ODF2: variants seen among roughly 807,000 people sequenced by gnomAD.
ODF2 encodes outer dense fiber of sperm tails 2.
In ODF2, 47 loss-of-function variants were observed where a neutral mutation model predicts 110.2. The observed-to-expected ratio is 0.43, with a 90% CI of 0.34 to 0.54. ODF2 has a LOEUF of 0.54. ODF2 is among the 20% of genes least tolerant of loss of function. The pLI is 0.03. For synonymous variants in ODF2, 352 were observed against 397.7 expected (o/e 0.89, Z 1.37); for missense variants, 812 against 1,054.5 (o/e 0.77, Z 3.19).
intron 4 of ODF2, among the ~76,000 whole-genome samples, chr9:128,468,719 A>G (rs1050845273): frequency 6.6e-6 from 1 of 152,022 alleles, no homozygotes; most frequent in African/African-American, 2.4e-5. Context: ...ACGGGGTTTC[A>G]CCGTGTTGGT....
chr9:128,474,424 C>T (rs1319818455), intron 8 of ODF2, among the ~76,000 whole-genome samples: 2 of 151,764 alleles, frequency 1.3e-5, no homozygotes, highest in Non-Finnish European at 1.5e-5. Flanking sequence ...ACCTGGGAGG[C>T]GGAGGTTGCG....
chr9:128,456,492 C>G, intron 1 of ODF2: 12 of 1,526,502 alleles, frequency 7.9e-6, no homozygotes, highest in Non-Finnish European at 1.1e-5. Flanking sequence ...TTGGCTACCA[C>G]GGGGCTCTGC....
intron 4 of ODF2, among the ~76,000 whole-genome samples, chr9:128,468,621 C>T (rs1421173504): frequency 1.3e-5 from 2 of 152,142 alleles, no homozygotes; most frequent in Admixed American, 6.6e-5. Flanking sequence ...CTCCCGGGTT[C>T]AAGCGATCCT....
exon 12 of ODF2, chr9:128,484,775 G>C: frequency 6.2e-7 from 1 of 1,611,578 alleles, no homozygotes; most frequent in South Asian, 1.1e-5. Flanking sequence ...AGTTGAAGCA[G>C]AAGGGAGACC....
At chr9:128,461,781 T>C (rs1053141172) in intron 4 of ODF2, among the ~76,000 whole-genome samples, 2 of 151,866 alleles carry the variant, frequency 1.3e-5, no homozygotes, top group Non-Finnish European at 2.9e-5. Context: ...GAAAAAAAAA[T>C]AGAAATGAAA....
intron 1 of ODF2, chr9:128,456,814 T>G: frequency 8.5e-7 from 1 of 1,181,240 alleles, no homozygotes; most frequent in Non-Finnish European, 1.1e-6. Flanking sequence ...CTCAGAACTC[T>G]GTTCGGTTTT....
intron 1 of ODF2, 30 bp downstream of exon 1, chr9:128,456,285 C>T (rs1834749877): frequency 1.3e-6 from 2 of 1,523,458 alleles, no homozygotes; most frequent in Middle Eastern, 2.3e-4. Flanking sequence ...CGGGATCCAG[C>T]GCCCTCCGGG....
At chr9:128,496,097 G>A in exon 18 of ODF2, 2 of 1,614,018 alleles carry the variant, frequency 1.2e-6, no homozygotes, top group Non-Finnish European at 1.7e-6. Context: ...AGGCTTCCCA[G>A]AAGGAAAATA....
intron 16 of ODF2, among the ~76,000 whole-genome samples, chr9:128,493,265 A>G (rs1844979818): frequency 6.6e-6 from 1 of 152,022 alleles, no homozygotes; most frequent in Admixed American, 6.6e-5. Flanking sequence ...CATGCCTGTA[A>G]TCCCAGCTAC....
At chr9:128,472,098 G>A (rs1840149722) in intron 6 of ODF2, among the ~76,000 whole-genome samples, 3 of 152,288 alleles carry the variant, frequency 2.0e-5, no homozygotes, top group Non-Finnish European at 2.9e-5. Context: ...GGCCAACATG[G>A]TGAAACCCTG....
chr9:128,473,436 G>C (rs901414471), intron 7 of ODF2, 174 bp from the exon 8 acceptor site: 30 of 708,880 alleles, frequency 4.2e-5, no homozygotes, highest in Admixed American at 1.3e-4. Flanking sequence ...CTTAGCTCCT[G>C]CTTGTCCCTT....
In ODF2 at chr9:128,469,368, G is replaced by A. The variant is rs1839125999; in HGVS notation, c.420+15G>A. ...TGAAGTCTGAGGTGAGGGAGGTAGG[G>A]GGCTGGGATAGCTACTACCCTGAGG... On this transcript the variant is annotated intron_variant, in intron 5 of 20. Transcript: ENST00000604420. The A allele has an allele frequency of 6.2e-7, 1 of 1,613,058 alleles. No individual in the cohort carries two copies. Among genetic ancestry groups the A allele is most frequent in the African/African-American group, 1.3e-5 (1 of 74,912 alleles).
At chr9:128,487,419 G>T (rs1843583789) in intron 13 of ODF2, among the ~76,000 whole-genome samples, 1 of 152,132 alleles carries the variant, frequency 6.6e-6, no homozygotes, top group Non-Finnish European at 1.5e-5. Flanking sequence ...TGTGGAGATT[G>T]GGGAGCAGGC....
intron 14 of ODF2, among the ~76,000 whole-genome samples, chr9:128,488,774 C>T (rs1025239504): frequency 6.6e-6 from 1 of 152,122 alleles, no homozygotes; most frequent in African/African-American, 2.4e-5. Flanking sequence ...GAGGCTGAGG[C>T]AGGCGGATCA....
chr9:128,473,647 C>T (rs376319738), exon 8 of ODF2: 32 of 1,613,668 alleles, frequency 2.0e-5, no homozygotes, highest in Non-Finnish European at 2.5e-5. Context: ...AACACCCTGA[C>T]AAGGCAGAAG....
intron 9 of ODF2, 92 bp downstream of exon 9, chr9:128,481,743 G>A: frequency 1.0e-6 from 1 of 987,596 alleles, no homozygotes; most frequent in Non-Finnish European, 1.6e-6. Flanking sequence ...ATCAAGGCAG[G>A]AGGGCTGGAG....
At chr9:128,472,304 C>G (rs1174178148) in intron 6 of ODF2, among the ~76,000 whole-genome samples, 1 of 152,098 alleles carries the variant, frequency 6.6e-6, no homozygotes, top group East Asian at 1.9e-4. Context: ...GCCTCCTTGA[C>G]TAAAGTAATC....
intron 8 of ODF2, 25 bp from the exon 9 acceptor site, chr9:128,481,555 C>G (rs1842403985): frequency 6.3e-7 from 1 of 1,593,266 alleles, no homozygotes; most frequent in Non-Finnish European, 8.6e-7. Context: ...AATGACTTGA[C>G]TTTTTCCTTT....
At position 128,492,406 on chromosome 9, in the gene ODF2, T is replaced by C. The variant is rs758786054; in HGVS notation, c.1537-20T>C. ...GAAGCAGAACCTTCCTGTGGGTTAC[T>C]CATGAGCCATCCCTTCCAGGCCAGC... On this transcript the variant is annotated intron_variant, in intron 14 of 20. Coordinates refer to ENST00000604420, the Ensembl canonical transcript of ODF2. 2 of 1,563,804 alleles carry C rather than the reference T, an allele frequency of 1.3e-6. No homozygotes were observed. Among genetic ancestry groups the C allele is most frequent in the African/African-American group, 2.7e-5 (2 of 73,826 alleles).
Sources: allele counts gnomAD v4.1 joint callset (sites outside exome capture counted in the v4.1 genomes callset), GRCh38; gene constraint gnomAD v4.1.1; transcripts MANE v1.5; gene names NCBI Gene and HGNC (gene_info 2026-07-23, HGNC 2026-07-21).